Variants in SLC30A8 observed in about 807,000 individuals in gnomAD.
SLC30A8 encodes the protein solute carrier family 30 member 8.
Under a neutral mutation model 36.9 loss-of-function variants are expected in SLC30A8, and 27 were observed. The observed-to-expected ratio is 0.73, with a 90% confidence interval of 0.54 to 1.01. The LOEUF is 1.01. Among genes scored for constraint, SLC30A8 ranks in the 50% least tolerant of loss-of-function variants. SLC30A8 has a pLI of 0.00. For synonymous variants in SLC30A8, 164 were observed against 172.4 expected (o/e 0.95, Z 0.38); for missense variants, 439 against 452.0 (o/e 0.97, Z 0.26).
intron 2 of SLC30A8, among the ~76,000 whole-genome samples, chr8:117,057,618 G>A (rs1817911767): frequency 6.6e-6 from 1 of 152,064 alleles, no homozygotes; most frequent in Admixed American, 6.5e-5. Flanking sequence ...ATAACATACA[G>A]TATTTATCTT....
intron 6 of SLC30A8, 151 bp downstream of exon 6, chr8:117,163,681 T>G (rs1401624341): frequency 9.9e-6 from 6 of 607,112 alleles, no homozygotes; most frequent in Middle Eastern, 7.2e-4. Context: ...AATCATTTGA[T>G]TTTTTTTCCT....
chr8:117,042,673 C>CT (rs772490785), intron 2 of SLC30A8, among the ~76,000 whole-genome samples: 217 of 140,556 alleles, frequency 1.5e-3, no homozygotes, highest in East Asian at 5.6e-3. Context: ...GAATTTAGTG[C>CT]TTTTTTTTTT....
intron 2 of SLC30A8, among the ~76,000 whole-genome samples, chr8:117,129,621 A>G (rs1283788896): frequency 2.6e-5 from 4 of 152,036 alleles, no homozygotes; most frequent in African/African-American, 9.7e-5. Flanking sequence ...TTTCTTATAT[A>G]TATGTAATAC....
At chr8:117,162,049 T>C (rs1822819387) in intron 5 of SLC30A8, among the ~76,000 whole-genome samples, 161 bp downstream of exon 5, 2 of 152,184 alleles carry the variant, frequency 1.3e-5, no homozygotes, top group African/African-American at 2.4e-5. Flanking sequence ...GGTGTTAAGA[T>C]GAACAGCAAC....
chr8:117,166,184 C>T (rs937221023), intron 6 of SLC30A8, among the ~76,000 whole-genome samples: 1 of 152,078 alleles, frequency 6.6e-6, no homozygotes, highest in Non-Finnish European at 1.5e-5. Context: ...TTGTCAGTTA[C>T]CCTCATCTGA....
intron 6 of SLC30A8, among the ~76,000 whole-genome samples, chr8:117,166,345 T>G (rs1042442152): frequency 6.6e-6 from 1 of 152,196 alleles, no homozygotes; most frequent in African/African-American, 2.4e-5. Flanking sequence ...TTATCATTGC[T>G]ACATTGGCCA....
In SLC30A8 at chr8:117,003,710, A is replaced by G. The variant is rs191664555; in HGVS notation, c.-265-35509A>G. Among the ~76,000 whole-genome samples the G allele has an allele frequency of 2.4e-3, 358 of 152,298 alleles. 1 individual carries two copies. Among genetic ancestry groups the G allele is most frequent in the African/African-American group, 8.3e-3 (346 of 41,558 alleles). ...GTTTTGGTAGGTGAAAATAATTAGC[A>G]TTTTATTCTCCAGGCTGTTTAGAAT... On this transcript the variant is annotated intron_variant, in intron 1 of 10. Transcript: ENST00000427715.
intron 2 of SLC30A8, among the ~76,000 whole-genome samples, chr8:117,150,380 G>A (rs1373008064): frequency 6.6e-6 from 1 of 152,132 alleles, no homozygotes; most frequent in African/African-American, 2.4e-5. Context: ...AGTTGGAGGT[G>A]GTTTGTGAGA....
chr8:117,042,502 G>A (rs1283162954), intron 2 of SLC30A8, among the ~76,000 whole-genome samples: 5 of 152,066 alleles, frequency 3.3e-5, no homozygotes, highest in East Asian at 1.9e-4. Flanking sequence ...GAGGCGGGGC[G>A]GGGTTTGGGA....
intron 1 of SLC30A8, among the ~76,000 whole-genome samples, chr8:117,140,585 G>A (rs1821608009): frequency 6.6e-6 from 1 of 152,064 alleles, no homozygotes; most frequent in South Asian, 2.1e-4. Flanking sequence ...GAGGATGGCA[G>A]TGAGATGACA....
At chr8:117,099,799 A>AC (rs1446079267) in intron 2 of SLC30A8, among the ~76,000 whole-genome samples, 1 of 152,250 alleles carries the variant, frequency 6.6e-6, no homozygotes, top group African/African-American at 2.4e-5. Context: ...TGAGTACTGT[A>AC]CCATTAAATG....
chr8:117,116,190 T>C (rs1820436603), intron 2 of SLC30A8, among the ~76,000 whole-genome samples: 2 of 151,994 alleles, frequency 1.3e-5, no homozygotes, highest in Non-Finnish European at 2.9e-5. Flanking sequence ...CAAGGCCTTA[T>C]AGGTAGGCAG....
intron 2 of SLC30A8, among the ~76,000 whole-genome samples, chr8:117,045,201 C>T (rs1313152004): frequency 6.6e-6 from 1 of 152,018 alleles, no homozygotes; most frequent in Non-Finnish European, 1.5e-5. Context: ...TTATTCTTCT[C>T]CTAAAGGAAG....
At chr8:116,985,293 T>TACACACACAC (rs71305454) in intron 1 of SLC30A8, among the ~76,000 whole-genome samples, 10 of 140,236 alleles carry the variant, frequency 7.1e-5, no homozygotes, top group East Asian at 2.1e-4. Context: ...CTCACACACA[T>TACACACACAC]ACACACACAC....
intron 2 of SLC30A8, among the ~76,000 whole-genome samples, chr8:117,088,167 G>C (rs1283141770): frequency 6.6e-6 from 1 of 152,106 alleles, no homozygotes; most frequent in African/African-American, 2.4e-5. Context: ...AACTTGGACA[G>C]GTGAGAAAAA....
intron 2 of SLC30A8, among the ~76,000 whole-genome samples, chr8:117,084,063 G>T (rs1425419687): frequency 6.6e-6 from 1 of 152,050 alleles, no homozygotes; most frequent in African/African-American, 2.4e-5. Context: ...AAATATTTTT[G>T]ACTATAATTT....
chr8:116,981,010 C>T (rs1815234011), intron 1 of SLC30A8, among the ~76,000 whole-genome samples: 1 of 152,204 alleles, frequency 6.6e-6, no homozygotes, highest in South Asian at 2.1e-4. Flanking sequence ...TATAAATGCT[C>T]ACCAACACCG....
At chr8:116,988,876 C>T (rs1815539566) in intron 1 of SLC30A8, among the ~76,000 whole-genome samples, 1 of 152,306 alleles carries the variant, frequency 6.6e-6, no homozygotes, top group South Asian at 2.1e-4. Flanking sequence ...TTCTTAATGC[C>T]TGTAATACTC....
chr8:116,975,352 C>T (rs922498350), intron 1 of SLC30A8, among the ~76,000 whole-genome samples: 1 of 152,072 alleles, frequency 6.6e-6, no homozygotes, highest in Non-Finnish European at 1.5e-5. Flanking sequence ...TTTGCATATT[C>T]TATATCTTTG....
Sources: allele counts gnomAD v4.1 joint callset (sites outside exome capture counted in the v4.1 genomes callset), GRCh38; gene constraint gnomAD v4.1.1; transcripts MANE v1.5; gene names NCBI Gene and HGNC (gene_info 2026-07-23, HGNC 2026-07-21).